RTN4RL1: variants seen among roughly 807,000 people sequenced by gnomAD.
RTN4RL1 encodes the protein reticulon-4 receptor-like 1.
RTN4RL1 carries 7 observed loss-of-function variants against 25.6 expected under a neutral mutation model. The observed-to-expected ratio is 0.27, with a 90% CI of 0.16 to 0.51. The LOEUF is 0.51. RTN4RL1 is among the 20% of genes least tolerant of loss of function. The probability of loss-of-function intolerance (pLI) is 0.97; values close to 1 mark genes in which losing one functional copy is unlikely to be tolerated. For missense variants in RTN4RL1, 500 were observed against 615.6 expected, an observed-to-expected ratio of 0.81 and a Z score of 1.99; for synonymous variants, 297 against 288.2, an observed-to-expected ratio of 1.03 and a Z score of -0.31.
At chr17:2,014,755 C>A (rs1191446905) in intron 1 of RTN4RL1, among the ~76,000 whole-genome samples, 2 of 151,680 alleles carry the variant, frequency 1.3e-5, no homozygotes, top group Admixed American at 1.3e-4. Context: ...TCGCTTGAAT[C>A]TGGGAGACAG....
At chr17:1,940,986 G>A (rs953812956) in intron 1 of RTN4RL1, among the ~76,000 whole-genome samples, 1 of 152,206 alleles carries the variant, frequency 6.6e-6, no homozygotes, top group African/African-American at 2.4e-5. Flanking sequence ...TTGCGGCAGG[G>A]GGACGGGGTG....
intron 1 of RTN4RL1, among the ~76,000 whole-genome samples, chr17:1,968,453 C>T (rs1345072191): frequency 2.6e-5 from 4 of 152,200 alleles, no homozygotes; most frequent in Admixed American, 1.3e-4. Context: ...TGGCCCCACT[C>T]CCCCTTCTCT....
intron 1 of RTN4RL1, among the ~76,000 whole-genome samples, chr17:2,006,470 T>C (rs1163219168): frequency 6.6e-6 from 1 of 151,926 alleles, no homozygotes; most frequent in African/African-American, 2.4e-5. Flanking sequence ...TGGGTTTTTT[T>C]GAGACAGGGT....
At chr17:1,962,794 A>C (rs1567510672) in intron 1 of RTN4RL1, among the ~76,000 whole-genome samples, 2 of 149,394 alleles carry the variant, frequency 1.3e-5, no homozygotes, top group African/African-American at 5.0e-5. Flanking sequence ...ACCAGGAGGC[A>C]GAGGTTGCAG....
intron 1 of RTN4RL1, among the ~76,000 whole-genome samples, chr17:1,981,268 C>G (rs1277695150): frequency 6.6e-6 from 1 of 152,072 alleles, no homozygotes; most frequent in Non-Finnish European, 1.5e-5. Context: ...GTAGTCTCAG[C>G]TACCTGGGAG....
intron 1 of RTN4RL1, among the ~76,000 whole-genome samples, chr17:1,978,132 G>C (rs2066851314): frequency 6.6e-6 from 1 of 152,234 alleles, no homozygotes; most frequent in African/African-American, 2.4e-5. Context: ...TTGCCTGTGG[G>C]GGTCAAGGTT....
At chr17:1,966,885 G>A (rs2066793663) in intron 1 of RTN4RL1, among the ~76,000 whole-genome samples, 1 of 152,098 alleles carries the variant, frequency 6.6e-6, no homozygotes, top group African/African-American at 2.4e-5. Context: ...GCCTTCAGGG[G>A]CCCTTCCAAA....
At chr17:1,946,894 G>A (rs1023564438) in intron 1 of RTN4RL1, among the ~76,000 whole-genome samples, 1 of 144,774 alleles carries the variant, frequency 6.9e-6, no homozygotes, top group African/African-American at 2.6e-5. Flanking sequence ...GTGTGTGCAC[G>A]TGTGTCTGTG....
intron 1 of RTN4RL1, among the ~76,000 whole-genome samples, chr17:1,993,069 C>G (rs1470748023): frequency 6.6e-6 from 1 of 151,996 alleles, no homozygotes; most frequent in East Asian, 1.9e-4. Flanking sequence ...ATAGTGAAAC[C>G]CCATCTCTAC....
intron 1 of RTN4RL1, among the ~76,000 whole-genome samples, chr17:1,967,141 G>A (rs565414997): frequency 1.2e-3 from 173 of 149,224 alleles, no homozygotes; most frequent in Non-Finnish European, 2.0e-3. Context: ...CCAGGCTCCC[G>A]CCGCTCCTCC....
At chr17:1,965,099 T>C (rs200109720) in intron 1 of RTN4RL1, among the ~76,000 whole-genome samples, 4 of 143,076 alleles carry the variant, frequency 2.8e-5, no homozygotes, top group African/African-American at 1.0e-4. Flanking sequence ...CAGTTTGCTT[T>C]TCTTTTCTTT....
chr17:1,962,076 G>C (rs2066766492), intron 1 of RTN4RL1, among the ~76,000 whole-genome samples: 1 of 151,052 alleles, frequency 6.6e-6, no homozygotes, highest in African/African-American at 2.4e-5. Flanking sequence ...GAGTCCAGGG[G>C]TTTCAGAACA....
intron 1 of RTN4RL1, chr17:2,017,802 C>T (rs768927555): frequency 2.6e-5 from 4 of 152,304 alleles, no homozygotes; most frequent in African/African-American, 4.8e-5. Flanking sequence ...TTTGCAGTTT[C>T]GTTTCCACGC....
intron 1 of RTN4RL1, among the ~76,000 whole-genome samples, chr17:1,952,176 G>T (rs992269429): frequency 6.6e-6 from 1 of 152,072 alleles, no homozygotes; most frequent in African/African-American, 2.4e-5. Flanking sequence ...AGTAAGTCAC[G>T]GGGTCCAGCT....
rs1253157036 is a variant in RTN4RL1 at position 1,998,343 on chromosome 17, T to A, written c.13+26510A>T. Among the ~76,000 whole-genome samples the A allele has an allele frequency of 6.6e-5, 10 of 151,442 alleles. No homozygotes were observed. The highest frequency in any genetic ancestry group is 6.6e-4 in the Admixed American group (10 of 15,264). On this transcript the variant is annotated intron_variant, in intron 1 of 1. Coordinates refer to ENST00000331238, the MANE Select transcript of RTN4RL1 (RefSeq NM_178568.4). The surrounding 1 kb of genome is among the most constrained non-coding windows in gnomAD (Gnocchi z 4.9). Reference sequence around the variant, plus strand: ...TGGGCACCGGCCCCGCCCGGGAGGGTCTTCTCGCTCTAGAGCCGGGGGCCC... The same window carrying A: ...TGGGCACCGGCCCCGCCCGGGAGGGACTTCTCGCTCTAGAGCCGGGGGCCC...
intron 1 of RTN4RL1, among the ~76,000 whole-genome samples, chr17:1,986,878 C>T (rs1169876021): frequency 6.6e-6 from 1 of 152,158 alleles, no homozygotes; most frequent in East Asian, 1.9e-4. Context: ...TGCTCACAGG[C>T]TTCCAGGCCT....
chr17:2,010,886 G>A (rs2067041528), intron 1 of RTN4RL1, among the ~76,000 whole-genome samples: 1 of 152,142 alleles, frequency 6.6e-6, no homozygotes, highest in Non-Finnish European at 1.5e-5. Context: ...CATGCTCGGT[G>A]CCTTGGATTT....
intron 1 of RTN4RL1, among the ~76,000 whole-genome samples, chr17:2,005,731 C>T (rs2066988606): frequency 9.5e-6 from 1 of 105,124 alleles, no homozygotes; most frequent in Non-Finnish European, 2.0e-5. Context: ...GACCATCTCT[C>T]TCTCTCTTTC....
chr17:1,993,298 G>C (rs965694296), intron 1 of RTN4RL1, among the ~76,000 whole-genome samples: 1 of 152,108 alleles, frequency 6.6e-6, no homozygotes, highest in Non-Finnish European at 1.5e-5. Context: ...TACTGGGTGG[G>C]GAATGTCAGA....
Sources: gnomAD v4.1 joint callset for allele counts (sites outside exome capture counted in the v4.1 genomes callset) on GRCh38, gnomAD v4.1.1 for gene constraint, Gnocchi (gnomAD v3.1) non-coding constraint, MANE v1.5 for transcripts, NCBI Gene and HGNC (gene_info 2026-07-23, HGNC 2026-07-21) for gene names.